CDH12: variants seen among roughly 807,000 people sequenced by gnomAD.
The protein encoded by CDH12 is cadherin 12, also known as cadherin-12.
Under a neutral mutation model 74.1 loss-of-function variants are expected in CDH12, and 41 were observed. The ratio of observed to expected loss-of-function variants is 0.55; its 90% CI spans 0.43 to 0.72. The LOEUF is 0.72. CDH12 is among the 30% of genes least tolerant of loss of function. The pLI is 0.00. For synonymous variants in CDH12, 399 were observed against 355.0 expected (o/e 1.12, Z -1.39); for missense variants, 945 against 977.2 (o/e 0.97, Z 0.44).
At chr5:21,980,444 A>G (rs1757261192) in intron 5 of CDH12, among the ~76,000 whole-genome samples, 1 of 152,122 alleles carries the variant, frequency 6.6e-6, no homozygotes, top group Admixed American at 6.6e-5. Flanking sequence ...CCAAAAAATG[A>G]TTTTAATATT....
chr5:22,389,314 A>G (rs894112849), intron 3 of CDH12, among the ~76,000 whole-genome samples: 1 of 152,310 alleles, frequency 6.6e-6, no homozygotes, highest in Admixed American at 6.5e-5. Flanking sequence ...CTTTTCAAGT[A>G]AGAATAAAAA....
intron 2 of CDH12, among the ~76,000 whole-genome samples, chr5:22,489,229 T>C (rs1251178728): frequency 6.6e-6 from 1 of 151,370 alleles, no homozygotes; most frequent in Non-Finnish European, 1.5e-5. Flanking sequence ...GGCTAATTTT[T>C]TGTATTTTTA....
intron 1 of CDH12, among the ~76,000 whole-genome samples, chr5:22,795,575 AATAT>A (rs1748153032): frequency 6.7e-6 from 1 of 149,370 alleles, no homozygotes; most frequent in Admixed American, 6.9e-5. Context: ...ACACATATAT[AATAT>A]ATACATATAT....
chr5:22,014,395 A>G (rs530048748), intron 5 of CDH12, among the ~76,000 whole-genome samples: 32 of 152,176 alleles, frequency 2.1e-4, no homozygotes, highest in Admixed American at 7.2e-4. Flanking sequence ...TCAGAAATAT[A>G]TATCTTAAAC....
intron 12 of CDH12, among the ~76,000 whole-genome samples, chr5:21,764,706 G>C (rs1460544003): frequency 6.8e-6 from 1 of 147,422 alleles, no homozygotes; most frequent in Non-Finnish European, 1.5e-5. Flanking sequence ...TAGGAGAATA[G>C]AAAAACATAG....
At chr5:22,230,931 A>C (rs1752360348) in intron 3 of CDH12, among the ~76,000 whole-genome samples, 1 of 152,338 alleles carries the variant, frequency 6.6e-6, no homozygotes, top group African/African-American at 2.4e-5. Context: ...GCAGATAGTA[A>C]GTCACACTAA....
chr5:22,469,366 T>C (rs1745863951), intron 2 of CDH12, among the ~76,000 whole-genome samples: 1 of 152,184 alleles, frequency 6.6e-6, no homozygotes, highest in Non-Finnish European at 1.5e-5. Context: ...TTCTGAGGAA[T>C]GTGAAGGAAA....
intron 5 of CDH12, among the ~76,000 whole-genome samples, chr5:22,034,351 T>G (rs954334605): frequency 6.6e-6 from 1 of 152,306 alleles, no homozygotes; most frequent in Admixed American, 6.5e-5. Context: ...TAAAGAAAAT[T>G]GTTGAATAAA....
At chr5:22,507,562 T>A (rs559297630) in intron 1 of CDH12, among the ~76,000 whole-genome samples, 26 of 152,286 alleles carry the variant, frequency 1.7e-4, no homozygotes, top group Non-Finnish European at 2.9e-4. Context: ...GTTATTCTGA[T>A]AACTAATAAA....
chr5:22,545,673 T>C (rs1422254566), intron 1 of CDH12, among the ~76,000 whole-genome samples: 2 of 152,202 alleles, frequency 1.3e-5, no homozygotes, highest in East Asian at 3.9e-4. Context: ...TACATTTTAA[T>C]CCATAAATTA....
In CDH12 at chr5:22,215,526, C is replaced by A. The variant is rs544541814; in HGVS notation, c.-332-2883G>T. Among the ~76,000 whole-genome samples, 349 of 152,192 alleles carry A rather than the reference C, an allele frequency of 2.3e-3. 2 individuals are homozygous for A. Among genetic ancestry groups the A allele is most frequent in the South Asian group, 0.017 (83 of 4,820 alleles). Reference sequence around the variant, plus strand: ...TCCATTAGCACAAATGACTCAATTTCAAATTTTTAAAAATCCCTTCTGCAA... The same window carrying A: ...TCCATTAGCACAAATGACTCAATTTAAAATTTTTAAAAATCCCTTCTGCAA... On this transcript the variant is annotated intron_variant, in intron 3 of 14. Transcript: ENST00000382254.
At chr5:22,221,237 T>C (rs766301342) in intron 3 of CDH12, among the ~76,000 whole-genome samples, 31 of 151,930 alleles carry the variant, frequency 2.0e-4, no homozygotes, top group Non-Finnish European at 2.5e-4. Context: ...AAATTTCAAA[T>C]ACGAAAACTA....
At chr5:22,125,498 T>C (rs1304111382) in intron 4 of CDH12, among the ~76,000 whole-genome samples, 2 of 152,212 alleles carry the variant, frequency 1.3e-5, no homozygotes, top group Non-Finnish European at 2.9e-5. Context: ...ATTTTCTTTA[T>C]CCAGTCTATC....
At chr5:22,573,694 T>C (rs1739644908) in intron 1 of CDH12, among the ~76,000 whole-genome samples, 1 of 152,208 alleles carries the variant, frequency 6.6e-6, no homozygotes. Context: ...GACATGTATT[T>C]GTGTATTTTT....
chr5:22,457,692 C>A (rs1745337397), intron 2 of CDH12, among the ~76,000 whole-genome samples: 1 of 151,620 alleles, frequency 6.6e-6, no homozygotes, highest in Admixed American at 6.6e-5. Context: ...AATTCTCCTG[C>A]CTCAGCCTCC....
chr5:21,974,545 A>G (rs778780398), intron 6 of CDH12, among the ~76,000 whole-genome samples: 1 of 152,128 alleles, frequency 6.6e-6, no homozygotes, highest in Non-Finnish European at 1.5e-5. Flanking sequence ...TTTTCATGAC[A>G]TTATTCATTT....
intron 1 of CDH12, among the ~76,000 whole-genome samples, chr5:22,629,217 G>C (rs2126853841): frequency 6.6e-6 from 1 of 152,044 alleles, no homozygotes; most frequent in Admixed American, 6.6e-5. Flanking sequence ...TCAAAAGACT[G>C]AATCAGAGGA....
At chr5:22,375,867 T>G (rs1741501111) in intron 3 of CDH12, among the ~76,000 whole-genome samples, 1 of 151,886 alleles carries the variant, frequency 6.6e-6, no homozygotes, top group African/African-American at 2.4e-5. Flanking sequence ...TAGTGGAATG[T>G]AAATTACTAC....
At chr5:22,511,366 A>G (rs1327994364) in intron 1 of CDH12, among the ~76,000 whole-genome samples, 1 of 152,222 alleles carries the variant, frequency 6.6e-6, no homozygotes, top group East Asian at 1.9e-4. Flanking sequence ...AATTTAGTGT[A>G]AAGATAATAT....
Sources: allele counts gnomAD v4.1 joint callset (sites outside exome capture counted in the v4.1 genomes callset), GRCh38; gene constraint gnomAD v4.1.1; transcripts MANE v1.5; gene names NCBI Gene and HGNC (gene_info 2026-07-23, HGNC 2026-07-21).